Variants in KYNU observed in about 807,000 individuals in gnomAD.
KYNU encodes L-kynurenine hydrolase.
In KYNU, 54 loss-of-function variants were observed where a neutral mutation model predicts 59.2. The ratio of observed to expected loss-of-function variants is 0.91; its 90% CI spans 0.73 to 1.14. The LOEUF is 1.14. Ranked by LOEUF, KYNU falls within the 50% of genes most tolerant of loss-of-function variation. The pLI is 0.00. For synonymous variants in KYNU, 177 were observed against 192.0 expected, an observed-to-expected ratio of 0.92 and a Z score of 0.65; for missense variants, 567 against 554.4, an observed-to-expected ratio of 1.02 and a Z score of -0.23.
At chr2:142,884,326 T>C (rs904341601) in intron 1 of KYNU, among the ~76,000 whole-genome samples, 1 of 152,208 alleles carries the variant, frequency 6.6e-6, no homozygotes, top group East Asian at 1.9e-4. Flanking sequence ...TCCATGAATA[T>C]GGTTTTCACT....
chr2:142,887,711 T>A (rs1478881749), intron 2 of KYNU, among the ~76,000 whole-genome samples: 1 of 152,174 alleles, frequency 6.6e-6, no homozygotes, highest in Admixed American at 6.5e-5. Context: ...TCTAGATTGG[T>A]CAAATTCATA....
intron 10 of KYNU, among the ~76,000 whole-genome samples, chr2:143,005,974 C>T (rs140973431): frequency 6.6e-6 from 1 of 152,074 alleles, no homozygotes; most frequent in African/African-American, 2.4e-5. Flanking sequence ...TAAGTAGAGT[C>T]TAGAATACTA....
chr2:143,036,453 A>C (rs1395124080), intron 12 of KYNU, among the ~76,000 whole-genome samples: 1 of 152,160 alleles, frequency 6.6e-6, no homozygotes, highest in Non-Finnish European at 1.5e-5. Flanking sequence ...GGAGGAAGTA[A>C]CTTGTGGAAT....
At chr2:143,014,734 A>G (rs991299034) in intron 10 of KYNU, among the ~76,000 whole-genome samples, 3 of 152,252 alleles carry the variant, frequency 2.0e-5, no homozygotes, top group African/African-American at 7.2e-5. Flanking sequence ...TTCTTAATAC[A>G]TTTAAAGTTT....
At chr2:142,978,966 A>G (rs1324887702) in intron 8 of KYNU, among the ~76,000 whole-genome samples, 1 of 152,162 alleles carries the variant, frequency 6.6e-6, no homozygotes, top group African/African-American at 2.4e-5. Context: ...TAATGCTACT[A>G]GGAAAATACT....
Position 143,033,359 on chromosome 2 carries a change from GT to G in KYNU, c.1041+44del. 4 of 1,413,686 alleles carry G rather than the reference GT, an allele frequency of 2.8e-6. No homozygotes were observed. The East Asian group carries it at 6.8e-5, about 24-fold the overall frequency. 87.6% of individuals were successfully genotyped at this position (1,413,686 alleles called of 1,614,324 possible). A position where few individuals can be genotyped will look rare whatever the true frequency, so the allele number is the denominator to read the frequency against. ...TGTTTCAACCTTCCCACATCTTTGCGTTTTTTCTTGATCTGTTTGTGACAAT... is the reference window on the plus strand; with the variant it reads ...TGTTTCAACCTTCCCACATCTTTGCGTTTTTCTTGATCTGTTTGTGACAAT... On this transcript the variant is annotated intron_variant, in intron 12 of 13. Coordinates refer to ENST00000264170, the MANE Select transcript of KYNU (RefSeq NM_003937.3).
chr2:143,015,937 G>A (rs1223557497), intron 10 of KYNU, among the ~76,000 whole-genome samples: 1 of 152,150 alleles, frequency 6.6e-6, no homozygotes, highest in Non-Finnish European at 1.5e-5. Context: ...AGTAATGCCG[G>A]AGGCATGTCT....
intron 4 of KYNU, among the ~76,000 whole-genome samples, chr2:142,933,155 G>T (rs996310768): frequency 6.6e-6 from 1 of 152,178 alleles, no homozygotes; most frequent in Non-Finnish European, 1.5e-5. Flanking sequence ...AGCAGCTGCC[G>T]CCAATGGTCG....
At chr2:143,023,744 A>G (rs1276475058) in intron 10 of KYNU, among the ~76,000 whole-genome samples, 1 of 151,934 alleles carries the variant, frequency 6.6e-6, no homozygotes, top group African/African-American at 2.4e-5. Context: ...TAGAATAAAG[A>G]AAAAGAAAAA....
intron 1 of KYNU, among the ~76,000 whole-genome samples, chr2:142,878,548 G>A (rs1681181438): frequency 6.6e-6 from 1 of 152,030 alleles, no homozygotes; most frequent in Admixed American, 6.6e-5. Context: ...GAACTCCTAT[G>A]TACAATTTGC....
chr2:143,042,161 A>G lies in KYNU; in HGVS notation c.1387A>G (p.Thr463Ala), dbSNP rs200448158. Residue 463 changes from threonine to alanine, a missense_variant, in exon 14 of 14, where the codon ACA becomes GCA. Coordinates refer to ENST00000264170, the MANE Select transcript of KYNU (RefSeq NM_003937.3). ...CACTTCTATACTTGACTCTGCAGAA[A>G]CAAAAAATTAGCAGTGTTTTCTAGA... ...LLTSILDSAE[T>A]KN 260 of 1,609,298 alleles carry G rather than the reference A, an allele frequency of 1.6e-4. No individual in the cohort carries two copies. The highest frequency in any genetic ancestry group is 2.0e-4 in the Non-Finnish European group (233 of 1,178,298).
intron 3 of KYNU, among the ~76,000 whole-genome samples, chr2:142,920,344 G>C (rs541310448): frequency 1.3e-5 from 2 of 152,218 alleles, no homozygotes; most frequent in Non-Finnish European, 2.9e-5. Flanking sequence ...ATTCATTTTT[G>C]GCCTTAATGT....
Position 142,926,716 on chromosome 2 carries a change from C to T in KYNU, c.291-943C>T, listed in dbSNP as rs137943472. 2.3e-3 allele frequency among the ~76,000 whole-genome samples: 356 copies of T among 152,286 alleles called. 1 individual carries two copies. Among genetic ancestry groups the T allele is most frequent in the African/African-American group, 8.3e-3 (344 of 41,546 alleles). ...GTAATGAGGAAATTTCACACAGACTCGTCTATGAGTTGCTGGGGTCTGTCA... is the reference window on the plus strand; with the variant it reads ...GTAATGAGGAAATTTCACACAGACTTGTCTATGAGTTGCTGGGGTCTGTCA... On this transcript the variant is annotated intron_variant, in intron 3 of 13. Coordinates refer to ENST00000264170, the MANE Select transcript of KYNU (RefSeq NM_003937.3).
Position 142,883,418 on chromosome 2 carries a change from T to C in KYNU, c.-19-1931T>C, listed in dbSNP as rs1183359609. The stretch of plus-strand genomic sequence containing the variant: ...CTTCACCGTGTTAGCCAGGACGGTC[T>C]TGATCTCCTGACCTCGTGATCCGCC... On this transcript the variant is annotated intron_variant, in intron 1 of 13. Coordinates refer to ENST00000264170, the MANE Select transcript of KYNU (RefSeq NM_003937.3). 1.3e-5 allele frequency among the ~76,000 whole-genome samples: 2 copies of C among 152,060 alleles called. 1 individual carries two copies. Among genetic ancestry groups the C allele is most frequent in the Middle Eastern group, 6.3e-3 (2 of 316 alleles).
intron 10 of KYNU, among the ~76,000 whole-genome samples, chr2:143,016,312 G>C (rs1023097816): frequency 1.3e-5 from 2 of 152,156 alleles, no homozygotes; most frequent in African/African-American, 4.8e-5. Flanking sequence ...TTTTCACATA[G>C]ATGCACATTT....
rs564835560 is a variant in KYNU at position 142,897,843 on chromosome 2, T to C, written c.169+12307T>C. Among the ~76,000 whole-genome samples, 3 of 152,326 alleles carry C rather than the reference T, an allele frequency of 2.0e-5. No individual in the cohort carries two copies. The South Asian group carries it at 6.2e-4, about 32-fold the overall frequency. On this transcript the variant is annotated intron_variant, in intron 2 of 13. Coordinates refer to ENST00000264170, the MANE Select transcript of KYNU (RefSeq NM_003937.3). ...CTTTTAGTAGAATATTATCTTTACA[T>C]ACAGATATGGAGGAAAATATGTTAA...
At chr2:142,899,342 TTG>T (rs927205847) in intron 2 of KYNU, among the ~76,000 whole-genome samples, 1 of 152,100 alleles carries the variant, frequency 6.6e-6, no homozygotes, top group Non-Finnish European at 1.5e-5. Flanking sequence ...TTAGCCTAAT[TTG>T]TGTTTCAGTG....
At chr2:142,886,672 T>C (rs976275361) in intron 2 of KYNU, among the ~76,000 whole-genome samples, 2 of 152,036 alleles carry the variant, frequency 1.3e-5, no homozygotes, top group Admixed American at 6.6e-5. Flanking sequence ...TGGGAGTGAA[T>C]TGTGAGGAAA....
At chr2:143,023,536 A>G (rs1320520576) in intron 10 of KYNU, among the ~76,000 whole-genome samples, 1 of 151,736 alleles carries the variant, frequency 6.6e-6, no homozygotes, top group Non-Finnish European at 1.5e-5. Flanking sequence ...GCCACAGGAT[A>G]TTTCTCTCTC....
Sources: gnomAD v4.1 joint callset for allele counts (sites outside exome capture counted in the v4.1 genomes callset) on GRCh38, gnomAD v4.1.1 for gene constraint, MANE v1.5 for transcripts, NCBI Gene and HGNC (gene_info 2026-07-23, HGNC 2026-07-21) for gene names.